The following PCDHA3 variants were observed in gnomAD, a reference collection of about 807,000 sequenced individuals.
PCDHA3 encodes protocadherin alpha 3, also known as protocadherin alpha-3.
In PCDHA3, 41 loss-of-function variants were observed where a neutral mutation model predicts 62.2. The observed-to-expected ratio is 0.66, with a 90% confidence interval of 0.51 to 0.86. PCDHA3 has a LOEUF of 0.86. Ranked by LOEUF, PCDHA3 falls within the 40% of genes least tolerant of loss-of-function variation. PCDHA3 has a pLI of 0.00. For missense variants in PCDHA3, 1,304 were observed against 1,241.2 expected, an observed-to-expected ratio of 1.05 and a Z score of -0.76; for synonymous variants, 640 against 555.4, an observed-to-expected ratio of 1.15 and a Z score of -2.14.
At chr5:140,899,158 T>G (rs1285542285) in intron 1 of PCDHA3, among the ~76,000 whole-genome samples, 1 of 152,188 alleles carries the variant, frequency 6.6e-6, no homozygotes, top group African/African-American at 2.4e-5. Context: ...TGACTTCCTC[T>G]TTTCCTAATT....
At chr5:140,928,326 C>T (rs1554205788) in intron 1 of PCDHA3, 1 of 1,614,162 alleles carries the variant, frequency 6.2e-7, no homozygotes, top group Non-Finnish European at 8.5e-7. Context: ...GGAAGAATGG[C>T]CTTGTCTCTT....
At chr5:140,912,292 C>A (rs527420621) in intron 1 of PCDHA3, among the ~76,000 whole-genome samples, 13 of 152,184 alleles carry the variant, frequency 8.5e-5, no homozygotes, top group Non-Finnish European at 1.8e-4. Context: ...CAATACTTTG[C>A]CTCCTGTAAT....
intron 1 of PCDHA3, chr5:140,876,915 C>G: frequency 6.2e-7 from 1 of 1,613,966 alleles, no homozygotes; most frequent in East Asian, 2.2e-5. Flanking sequence ...CGGCATGGGA[C>G]GCGGACGCGC....
chr5:140,914,758 C>T (rs1435498037), intron 1 of PCDHA3, among the ~76,000 whole-genome samples: 3 of 151,912 alleles, frequency 2.0e-5, no homozygotes, highest in Non-Finnish European at 4.4e-5. Context: ...TTTGAGGTTA[C>T]ATGAGGTTTA....
intron 1 of PCDHA3, chr5:140,815,624 A>C (rs1025755235): frequency 2.6e-5 from 4 of 152,122 alleles, no homozygotes; most frequent in Non-Finnish European, 5.9e-5. Context: ...CCACCATTAC[A>C]GTATTATAGT....
chr5:140,957,937 A>G (rs2095399590), intron 1 of PCDHA3, among the ~76,000 whole-genome samples: 1 of 152,112 alleles, frequency 6.6e-6, no homozygotes, highest in Admixed American at 6.5e-5. Flanking sequence ...AAATAATTTA[A>G]AGATCTTTAA....
intron 1 of PCDHA3, among the ~76,000 whole-genome samples, chr5:140,893,592 C>G (rs2064074430): frequency 6.6e-6 from 1 of 152,154 alleles, no homozygotes; most frequent in Non-Finnish European, 1.5e-5. Flanking sequence ...TTGGGAAATA[C>G]TTTATTTCTC....
At chr5:140,988,169 A>G (rs1384072642) in intron 3 of PCDHA3, among the ~76,000 whole-genome samples, 3 of 152,128 alleles carry the variant, frequency 2.0e-5, no homozygotes. Flanking sequence ...TGTCATAGCA[A>G]TGACAGTCCT....
At chr5:140,835,791 C>T in intron 1 of PCDHA3, 1 of 1,613,176 alleles carries the variant, frequency 6.2e-7, no homozygotes, top group Non-Finnish European at 8.5e-7. Flanking sequence ...GAACAACCCG[C>T]CGGGCTGCCA....
intron 1 of PCDHA3, chr5:140,858,543 A>AT: frequency 7.1e-7 from 1 of 1,400,318 alleles, no homozygotes; most frequent in Admixed American, 2.0e-5. Flanking sequence ...TCTACATTCC[A>AT]TTTATGCTTG....
intron 1 of PCDHA3, among the ~76,000 whole-genome samples, chr5:140,833,650 C>T (rs1554133918): frequency 6.6e-6 from 1 of 152,108 alleles, no homozygotes; most frequent in African/African-American, 2.4e-5. Flanking sequence ...TCACATGATA[C>T]AAATTCTTCC....
chr5:140,937,148 C>T (rs1400872734), intron 1 of PCDHA3, among the ~76,000 whole-genome samples: 6 of 151,842 alleles, frequency 4.0e-5, no homozygotes, highest in Non-Finnish European at 8.8e-5. Flanking sequence ...TGCCATTCTC[C>T]TGCCTCAGCC....
chr5:140,928,597 A>G (rs1554206042), intron 1 of PCDHA3: 1 of 1,614,226 alleles, frequency 6.2e-7, no homozygotes, highest in East Asian at 2.2e-5. Context: ...CCCAGTGGAA[A>G]TTGTGCCCCG....
chr5:140,826,711 G>T (rs1554130645), intron 1 of PCDHA3, among the ~76,000 whole-genome samples: 1 of 152,172 alleles, frequency 6.6e-6, no homozygotes, highest in Non-Finnish European at 1.5e-5. Context: ...GTGGTATTGA[G>T]AAAGAGGAAG....
Position 140,967,279 on chromosome 5 carries a change from T to G in PCDHA3, c.2395-11670T>G, listed in dbSNP as rs184476796. The G allele has an allele frequency of 7.8e-5, 126 of 1,613,002 alleles. 1 individual carries two copies. The East Asian group carries it at 2.6e-3, about 34-fold the overall frequency. On this transcript the variant is annotated intron_variant, in intron 1 of 3. Coordinates refer to ENST00000522353, the MANE Select transcript of PCDHA3 (RefSeq NM_018906.3). ...CTGGAGCGCGCTTTCACATAGAGAGTGCGCAGGACCCCGACGTGGGCGCCA... is the reference window on the plus strand; with the variant it reads ...CTGGAGCGCGCTTTCACATAGAGAGGGCGCAGGACCCCGACGTGGGCGCCA...
intron 1 of PCDHA3, among the ~76,000 whole-genome samples, chr5:140,904,500 T>C (rs1454204932): frequency 6.6e-6 from 1 of 151,976 alleles, no homozygotes; most frequent in African/African-American, 2.4e-5. Flanking sequence ...ATTTTTACAA[T>C]TGTGAATTGT....
rs138359227 is a variant in PCDHA3 at position 140,829,964 on chromosome 5, G to A, written c.2394+26373G>A. On this transcript the variant is annotated intron_variant, in intron 1 of 3. Coordinates refer to ENST00000522353, the MANE Select transcript of PCDHA3 (RefSeq NM_018906.3). ...CAGCGCTCGCTTCCCGTTTCGCGTG[G>A]GGCTGTACACGGGCGAGATCAGCAC... The A allele has an allele frequency of 5.0e-6, 8 of 1,613,888 alleles. No individual in the cohort carries two copies. The African/African-American group carries it at 1.1e-4, about 22-fold the overall frequency.
At chr5:140,807,057 TG>T in intron 1 of PCDHA3, 3 of 1,093,628 alleles carry the variant, frequency 2.7e-6, no homozygotes, top group Non-Finnish European at 4.0e-6. Flanking sequence ...CTATTCTTAC[TG>T]GAAGGAACCA....
intron 1 of PCDHA3, chr5:140,851,418 C>G: frequency 1.0e-6 from 1 of 958,736 alleles, no homozygotes; most frequent in South Asian, 4.8e-5. Flanking sequence ...AGAAACTTCC[C>G]CTAAACTTTA....
Sources: gnomAD v4.1 joint callset for allele counts (sites outside exome capture counted in the v4.1 genomes callset) on GRCh38, gnomAD v4.1.1 for gene constraint, MANE v1.5 for transcripts, NCBI Gene and HGNC (gene_info 2026-07-23, HGNC 2026-07-21) for gene names.